TASP1: variants seen among roughly 807,000 people sequenced by gnomAD.
TASP1 encodes taspase 1.
In TASP1, 16 loss-of-function variants were observed where a neutral mutation model predicts 56.6. The ratio of observed to expected loss-of-function variants is 0.28; its 90% CI spans 0.19 to 0.43. TASP1 has a LOEUF of 0.43. Ranked by LOEUF, TASP1 falls within the 20% of genes least tolerant of loss-of-function variation. The probability of loss-of-function intolerance (pLI) is 1.00; values close to 1 mark genes in which losing one functional copy is unlikely to be tolerated. For synonymous variants in TASP1, 179 were observed against 184.2 expected (o/e 0.97, Z 0.23); for missense variants, 393 against 511.6 (o/e 0.77, Z 2.24).
chr20:13,336,901 T>C, the TASP1 span, among the ~76,000 whole-genome samples: 3 of 152,146 alleles, frequency 2.0e-5, no homozygotes, highest in African/African-American at 7.2e-5. Flanking sequence ...TTTCAATGAG[T>C]CTCTTCTGAG....
At chr20:13,581,020 G>C (rs1251470178) in intron 5 of TASP1, 39 bp from the exon 6 acceptor site, 1 of 1,567,604 alleles carries the variant, frequency 6.4e-7, no homozygotes, top group South Asian at 1.2e-5. Context: ...AAAGATGTCA[G>C]AAATGTCTTC....
At chr20:13,613,756 G>A (rs1368303003) in intron 4 of TASP1, among the ~76,000 whole-genome samples, 1 of 151,872 alleles carries the variant, frequency 6.6e-6, no homozygotes, top group Non-Finnish European at 1.5e-5. Flanking sequence ...TTTATAAAGA[G>A]TAAAAAGTTC....
At chr20:13,118,552 T>C in the TASP1 span, among the ~76,000 whole-genome samples, 23 of 150,698 alleles carry the variant, frequency 1.5e-4, no homozygotes, top group Non-Finnish European at 2.8e-4. Context: ...GTTTGAGAGA[T>C]AAAGGAGCCA....
the TASP1 span, chr20:13,126,539 C>T: frequency 1.9e-6 from 3 of 1,602,092 alleles, no homozygotes; most frequent in East Asian, 2.2e-5. Context: ...ATTCCCACCA[C>T]CAGTGTTGAG....
At chr20:13,584,348 T>TTG (rs1422716207) in intron 5 of TASP1, among the ~76,000 whole-genome samples, 1 of 152,104 alleles carries the variant, frequency 6.6e-6, no homozygotes, top group East Asian at 1.9e-4. Context: ...AGTAGTAAGT[T>TTG]TGACAAACAA....
At chr20:13,457,462 A>G (rs1316495945) in intron 11 of TASP1, among the ~76,000 whole-genome samples, 1 of 152,140 alleles carries the variant, frequency 6.6e-6, no homozygotes, top group East Asian at 1.9e-4. Flanking sequence ...TAAGAAAGAA[A>G]TAAAACCACA....
chr20:13,199,226 T>C, the TASP1 span, among the ~76,000 whole-genome samples: 1 of 152,072 alleles, frequency 6.6e-6, no homozygotes, highest in Non-Finnish European at 1.5e-5. Flanking sequence ...TTTTTTTGTT[T>C]TGTTTTGCCA....
chr20:13,259,088 G>A, the TASP1 span, among the ~76,000 whole-genome samples: 1 of 152,100 alleles, frequency 6.6e-6, no homozygotes, highest in East Asian at 1.9e-4. Flanking sequence ...TTCAAGACCA[G>A]CCTGGCCAAC....
chr20:13,199,346 T>C, the TASP1 span, among the ~76,000 whole-genome samples: 1 of 152,138 alleles, frequency 6.6e-6, no homozygotes, highest in Non-Finnish European at 1.5e-5. Flanking sequence ...TTTCATTGCC[T>C]GTCTTCCTCC....
chr20:13,557,947 G>A (rs1489310858), intron 8 of TASP1, among the ~76,000 whole-genome samples: 1 of 151,958 alleles, frequency 6.6e-6, no homozygotes, highest in African/African-American at 2.4e-5. Flanking sequence ...AGAAACCCAA[G>A]AAATAGACTA....
chr20:13,340,074 G>T, the TASP1 span, among the ~76,000 whole-genome samples: 2 of 151,990 alleles, frequency 1.3e-5, no homozygotes, highest in Non-Finnish European at 2.9e-5. Context: ...ATACTATCCA[G>T]CCTCCTTGCA....
the TASP1 span, among the ~76,000 whole-genome samples, chr20:13,278,811 C>T: frequency 6.6e-6 from 1 of 152,130 alleles, no homozygotes; most frequent in Admixed American, 6.5e-5. Flanking sequence ...CCACGATGGC[C>T]CTACTCACAT....
chr20:13,117,727 T>A, the TASP1 span: 1 of 1,607,298 alleles, frequency 6.2e-7, no homozygotes, highest in Admixed American at 1.7e-5. Context: ...GGAAGGAAGG[T>A]AAGAGAGGGC....
At chr20:13,442,287 G>GAC (rs1006081381) in intron 11 of TASP1, among the ~76,000 whole-genome samples, 1 of 149,236 alleles carries the variant, frequency 6.7e-6, no homozygotes, top group African/African-American at 2.5e-5. Context: ...CACAGACACA[G>GAC]ACACAGACAC....
the TASP1 span, among the ~76,000 whole-genome samples, chr20:13,374,331 T>A: frequency 6.7e-6 from 1 of 150,150 alleles, no homozygotes; most frequent in African/African-American, 2.4e-5. Context: ...CTGTTCCTGT[T>A]TCTTTTGCTG....
At chr20:13,187,021 GA>G in the TASP1 span, among the ~76,000 whole-genome samples, 1 of 152,134 alleles carries the variant, frequency 6.6e-6, no homozygotes, top group Non-Finnish European at 1.5e-5. Flanking sequence ...TGTAAGAAGA[GA>G]GATAAAACTC....
At chr20:13,321,699 A>G in the TASP1 span, among the ~76,000 whole-genome samples, 19 of 152,230 alleles carry the variant, frequency 1.2e-4, no homozygotes, top group African/African-American at 4.6e-4. Flanking sequence ...TGACTGCTAC[A>G]TTCAACTCCC....
At chr20:13,395,640 C>T (rs1021864465) in intron 13 of TASP1, among the ~76,000 whole-genome samples, 5 of 151,826 alleles carry the variant, frequency 3.3e-5, no homozygotes, top group Middle Eastern at 3.5e-3. Flanking sequence ...TAGTACCTTA[C>T]ATCCTTGCAT....
At chr20:13,589,293 C>A (rs1488678194) in intron 4 of TASP1, among the ~76,000 whole-genome samples, 1 of 151,926 alleles carries the variant, frequency 6.6e-6, no homozygotes, top group African/African-American at 2.4e-5. Context: ...CTCCTGACCT[C>A]GTGATCCACC....
Sources: gnomAD v4.1 joint callset for allele counts (sites outside exome capture counted in the v4.1 genomes callset) on GRCh38, gnomAD v4.1.1 for gene constraint, MANE v1.5 for transcripts, NCBI Gene and HGNC (gene_info 2026-07-23, HGNC 2026-07-21) for gene names.